Variants in KLHL12 observed in about 807,000 individuals in gnomAD.
The protein encoded by KLHL12 is kelch-like protein 12.
A neutral mutation model predicts 60.8 loss-of-function variants in KLHL12; 17 were observed. The ratio of observed to expected loss-of-function variants is 0.28; its 90% confidence interval spans 0.19 to 0.42. The LOEUF (loss-of-function observed/expected upper bound fraction) is 0.42. Ranked by LOEUF, KLHL12 falls within the 10% of genes least tolerant of loss-of-function variation. The pLI, the probability that KLHL12 is intolerant of heterozygous loss-of-function variation, is 1.00. For missense variants in KLHL12, 468 were observed against 722.3 expected (o/e 0.65, Z 4.04); for synonymous variants, 220 against 250.9 (o/e 0.88, Z 1.16).
rs553269230 is a variant in KLHL12 at position 202,921,367 on chromosome 1, G to T, written c.196-1459C>A. 1.9e-4 allele frequency among the ~76,000 whole-genome samples: 29 copies of T among 152,020 alleles called. No homozygotes were observed. In the East Asian group the frequency reaches 5.2e-3, roughly 27 times the overall value. On this transcript the variant is annotated intron_variant, in intron 2 of 11. Transcript: ENST00000367261. ...TTTTTGTGTTTTTAGTAGAGATGGG[G>T]TTTCACCATGTTGGCCAGGCTGGTC...
chr1:202,919,652 C>T (rs1660625232), intron 3 of KLHL12, 103 bp downstream of exon 3: 2 of 1,082,760 alleles, frequency 1.8e-6, no homozygotes, highest in Admixed American at 2.7e-5. Context: ...CATGAACATC[C>T]ATAGTTTGTC....
In KLHL12 at chr1:202,891,513, A is replaced by G. The variant is rs780282596; in HGVS notation, c.*1020T>C. ...TGTGCTTCTAAAAGAATGGGGCAGT[A>G]ATCAGGTAGCTGAACTACTAGGCTA... On this transcript the variant is annotated 3_prime_UTR_variant, in exon 12 of 12. Transcript: ENST00000367261. 1.3e-5 allele frequency: 2 copies of G among 152,398 alleles called. No homozygotes were observed. Among genetic ancestry groups the G allele is most frequent in the Non-Finnish European group, 2.9e-5 (2 of 68,060 alleles). 9.4% of individuals were successfully genotyped at this position (152,398 alleles called of 1,614,324 possible).
upstream of KLHL12, chr1:202,928,548 AT>A (rs1653734997): frequency 7.7e-7 from 1 of 1,304,032 alleles, no homozygotes; most frequent in African/African-American, 1.5e-5. Context: ...ATTCACGTCC[AT>A]TGTCCACAAT....
At chr1:202,908,648 G>A (rs766428782) in intron 6 of KLHL12, among the ~76,000 whole-genome samples, 7 of 152,146 alleles carry the variant, frequency 4.6e-5, no homozygotes, top group Non-Finnish European at 7.3e-5. Flanking sequence ...AAGTGAAGAG[G>A]TGGGTGGAAG....
intron 7 of KLHL12, among the ~76,000 whole-genome samples, chr1:202,896,227 C>T (rs929155339): frequency 1.8e-4 from 28 of 152,126 alleles, no homozygotes. Context: ...CTCACTATCA[C>T]CCAGGCTGGA....
rs1274594066 is a variant in KLHL12, at chr1:202,892,435, C to T, written c.*98G>A. 16 of 1,367,980 alleles carry T rather than the reference C, an allele frequency of 1.2e-5. No homozygotes were observed. Among genetic ancestry groups the T allele is most frequent in the Non-Finnish European group, 1.5e-5 (15 of 977,530 alleles). The allele number at this position is 1,367,980 out of a possible 1,614,324, so 84.7% of individuals were successfully genotyped here. A position where few individuals can be genotyped will look rare whatever the true frequency, so the allele number is the denominator to read the frequency against. On this transcript the variant is annotated 3_prime_UTR_variant, in exon 12 of 12. Coordinates refer to ENST00000367261, the MANE Select transcript of KLHL12 (RefSeq NM_021633.4). ...CACTGGTGCCTGTAATCACCCGGTGCACATAGTGAGAAACAGACATTCTGG... is the reference window on the plus strand; with the variant it reads ...CACTGGTGCCTGTAATCACCCGGTGTACATAGTGAGAAACAGACATTCTGG...
intron 3 of KLHL12, among the ~76,000 whole-genome samples, chr1:202,919,537 C>T (rs574669876): frequency 6.6e-6 from 1 of 152,006 alleles, no homozygotes; most frequent in South Asian, 2.1e-4. Flanking sequence ...GGTGCAAATG[C>T]TCTCTTTTAT....
chr1:202,909,322 AACAT>A lies in KLHL12; in HGVS notation c.718-202_718-199del, dbSNP rs1388708697. Among the ~76,000 whole-genome samples, 1 of 151,128 alleles carries A rather than the reference AACAT, an allele frequency of 6.6e-6. No individual in the cohort carries two copies. The highest frequency in any genetic ancestry group is 1.5e-5 in the Non-Finnish European group (1 of 67,914). ...TTTAAAATTTACTTGAAAAATAGAT[AACAT>A]ACTAGATGGATCAAAAATCAAATGA... On this transcript the variant is annotated intron_variant, in intron 5 of 11. Coordinates refer to ENST00000367261, the MANE Select transcript of KLHL12 (RefSeq NM_021633.4). This position sits in a 1 kb window ranked among gnomAD's most constrained non-coding sequence, Gnocchi z 4.1.
intron 6 of KLHL12, among the ~76,000 whole-genome samples, chr1:202,905,501 A>G (rs1660153883): frequency 6.6e-6 from 1 of 152,214 alleles, no homozygotes; most frequent in Non-Finnish European, 1.5e-5. Context: ...TGGAGTAAAA[A>G]TCAAAGTAAG....
At chr1:202,898,107 T>A (rs188001859) in intron 6 of KLHL12, among the ~76,000 whole-genome samples, 1 of 152,248 alleles carries the variant, frequency 6.6e-6, no homozygotes, top group Non-Finnish European at 1.5e-5. Context: ...TCTTGCTATA[T>A]TGCCCAGGCT....
chr1:202,913,670 T>C (rs930851283), intron 4 of KLHL12, among the ~76,000 whole-genome samples: 7 of 152,150 alleles, frequency 4.6e-5, no homozygotes, highest in African/African-American at 1.7e-4. Flanking sequence ...TTTCCTAGTT[T>C]AGACTGGTGA....
chr1:202,915,641 T>C (rs1474954122), intron 4 of KLHL12, among the ~76,000 whole-genome samples: 1 of 152,196 alleles, frequency 6.6e-6, no homozygotes, highest in Non-Finnish European at 1.5e-5. Context: ...AGAAACAAAC[T>C]GAAAACATGA....
chr1:202,897,090 T>A, intron 6 of KLHL12, 130 bp from the exon 7 acceptor site: 2 of 739,678 alleles, frequency 2.7e-6, no homozygotes. Context: ...CAATCCGAAA[T>A]GGGAGATAAT....
chr1:202,894,962 G>A lies in KLHL12; in HGVS notation c.1136-213C>T, dbSNP rs114068390. Among the ~76,000 whole-genome samples the A allele has an allele frequency of 4.3e-3, 660 of 152,262 alleles. 3 individuals carry two copies. The highest frequency in any genetic ancestry group is 0.015 in the African/African-American group (635 of 41,536). ...TTAAAAGCATTCAAAGACCACCTAG[G>A]AGTTTGCAAAAACACAACTAGTGCC... On this transcript the variant is annotated intron_variant, in intron 8 of 11. Coordinates refer to ENST00000367261, the MANE Select transcript of KLHL12 (RefSeq NM_021633.4).
At chr1:202,901,194 A>T (rs1298456227) in intron 6 of KLHL12, among the ~76,000 whole-genome samples, 1 of 152,238 alleles carries the variant, frequency 6.6e-6, no homozygotes, top group Non-Finnish European at 1.5e-5. Context: ...AAATTTTCCC[A>T]ATAAACACTC....
chr1:202,909,093 T>A lies in KLHL12; in HGVS notation c.749A>T (p.Asp250Val). Residue 250 changes from aspartate to valine, a missense_variant, in exon 6 of 12, where the codon GAT becomes GTT. Physicochemically the swap from Asp to Val is radical, Grantham distance 152. This residue lies in a region of KLHL12 where 339 missense variants were observed against 525.0 expected (regional missense o/e 0.65). Transcript: ENST00000367261. This position sits in a 1 kb window ranked among gnomAD's most constrained non-coding sequence, Gnocchi z 4.1. ...PFIRCSLQCR[D>V]LVDEAKKFHL... ...AAACTTCTTTGCTTCATCAACCAGA[T>A]CCCTGCATTGTAAACTACAGCGGAT... is the stretch of plus-strand genomic sequence containing the variant. The A allele has an allele frequency of 6.2e-7, 1 of 1,613,872 alleles. No homozygotes were observed. Among genetic ancestry groups the A allele is most frequent in the Non-Finnish European group, 8.5e-7 (1 of 1,179,898 alleles).
At chr1:202,922,641 C>G (rs899723041) in intron 2 of KLHL12, among the ~76,000 whole-genome samples, 1 of 151,718 alleles carries the variant, frequency 6.6e-6, no homozygotes, top group Non-Finnish European at 1.5e-5. Context: ...CGCCCGCCAC[C>G]ACGCACGGCT....
intron 4 of KLHL12, among the ~76,000 whole-genome samples, chr1:202,913,312 C>T (rs1660420712): frequency 6.6e-6 from 1 of 152,124 alleles, no homozygotes; most frequent in Non-Finnish European, 1.5e-5. Context: ...GGTCCTGTGC[C>T]CCTTCTACCA....
chr1:202,904,124 T>C (rs1248220052), intron 6 of KLHL12, among the ~76,000 whole-genome samples: 2 of 151,740 alleles, frequency 1.3e-5, no homozygotes, highest in Non-Finnish European at 2.9e-5. Flanking sequence ...GTTCAAGCAA[T>C]TTCCCGAGTA....
Sources: gnomAD v4.1 joint callset for allele counts (sites outside exome capture counted in the v4.1 genomes callset) on GRCh38, gnomAD v4.1.1 for gene constraint, gnomAD v4.1.1 regional missense constraint, Gnocchi (gnomAD v3.1) non-coding constraint, MANE v1.5 for transcripts, NCBI Gene and HGNC (gene_info 2026-07-23, HGNC 2026-07-21) for gene names.